CDH10: variants seen among roughly 807,000 people sequenced by gnomAD.
CDH10 encodes cadherin-10.
CDH10 carries 30 observed loss-of-function variants against 73.1 expected under a neutral mutation model. The ratio of observed to expected loss-of-function variants is 0.41; its 90% confidence interval spans 0.31 to 0.56. The LOEUF is 0.56. CDH10 is among the 20% of genes least tolerant of loss of function. CDH10 has a pLI of 0.27. For missense variants in CDH10, 815 were observed against 973.7 expected (o/e 0.84, Z 2.17); for synonymous variants, 345 against 348.2 (o/e 0.99, Z 0.10).
intron 5 of CDH10, among the ~76,000 whole-genome samples, chr5:24,529,924 G>A (rs1001247439): frequency 1.3e-5 from 2 of 151,566 alleles, no homozygotes; most frequent in Non-Finnish European, 2.9e-5. Flanking sequence ...TTGTTAAGTG[G>A]AATTTGAAAA....
intron 5 of CDH10, among the ~76,000 whole-genome samples, chr5:24,520,035 T>A (rs1743257626): frequency 6.6e-6 from 1 of 152,204 alleles, no homozygotes; most frequent in South Asian, 2.1e-4. Flanking sequence ...TCTTAATTGC[T>A]CCTTTTCATA....
At chr5:24,613,365 A>G (rs903774403) in intron 1 of CDH10, 5 of 152,062 alleles carry the variant, frequency 3.3e-5, no homozygotes, top group African/African-American at 1.2e-4. Context: ...ACTCATTTTC[A>G]TGCTTTTACA....
intron 5 of CDH10, 117 bp from the exon 6 acceptor site, chr5:24,511,631 G>C (rs149376312): frequency 1.7e-6 from 1 of 600,702 alleles, no homozygotes; most frequent in Non-Finnish European, 2.9e-6. Context: ...CATGTAAGAC[G>C]CAATATAATA....
intron 8 of CDH10, among the ~76,000 whole-genome samples, chr5:24,501,640 A>G (rs1215020615): frequency 6.6e-6 from 1 of 152,186 alleles, no homozygotes; most frequent in African/African-American, 2.4e-5. Flanking sequence ...AAAGAGAGAA[A>G]TTTTAAATCA....
chr5:24,517,938 A>G (rs4563587), intron 5 of CDH10, among the ~76,000 whole-genome samples: 72,649 of 151,988 alleles, frequency 0.48, 17,487 homozygotes, highest in East Asian at 0.58. Context: ...CCAGATGTAA[A>G]CCACCCTTGA....
intron 2 of CDH10, among the ~76,000 whole-genome samples, chr5:24,582,168 A>T (rs1745825776): frequency 6.6e-6 from 1 of 152,160 alleles, no homozygotes; most frequent in Non-Finnish European, 1.5e-5. Context: ...CATTATTGGT[A>T]ACAGTGAAAA....
At chr5:24,568,120 G>C (rs1047264554) in intron 2 of CDH10, among the ~76,000 whole-genome samples, 2 of 151,984 alleles carry the variant, frequency 1.3e-5, no homozygotes, top group Non-Finnish European at 2.9e-5. Flanking sequence ...GAATTATTTT[G>C]AGTTTTTAAT....
chr5:24,529,591 C>T (rs548077390), intron 5 of CDH10, among the ~76,000 whole-genome samples: 13 of 152,022 alleles, frequency 8.6e-5, no homozygotes, highest in African/African-American at 1.7e-4. Flanking sequence ...CATTCTTTTG[C>T]GTGCATTTAG....
chr5:24,491,910 A>G, intron 10 of CDH10, 83 bp from the exon 11 acceptor site: 1 of 771,868 alleles, frequency 1.3e-6, no homozygotes, highest in Non-Finnish European at 2.0e-6. Context: ...ACATATAAAT[A>G]AAAACATATT....
In CDH10 at chr5:24,614,682, C is replaced by G. The variant is rs535441232; in HGVS notation, c.-123-21069G>C. On this transcript the variant is annotated intron_variant, in intron 1 of 11. Transcript: ENST00000264463. ...CAGACCGAGTAAACAGAACCAGTGACAATTATTAGCGTCCTCATGACTGCA... is the reference window on the plus strand; with the variant it reads ...CAGACCGAGTAAACAGAACCAGTGAGAATTATTAGCGTCCTCATGACTGCA... Among the ~76,000 whole-genome samples the G allele has an allele frequency of 3.3e-5, 5 of 152,238 alleles. No homozygotes were observed. The South Asian group carries it at 1.0e-3, about 32-fold the overall frequency.
At chr5:24,558,218 T>C (rs1187055563) in intron 2 of CDH10, among the ~76,000 whole-genome samples, 3 of 150,092 alleles carry the variant, frequency 2.0e-5, no homozygotes, top group Non-Finnish European at 4.5e-5. Context: ...CAAATTTCTG[T>C]AATGGAGGCT....
intron 5 of CDH10, among the ~76,000 whole-genome samples, chr5:24,518,267 T>G (rs75329410): frequency 6.6e-6 from 1 of 152,248 alleles, no homozygotes; most frequent in South Asian, 2.1e-4. Flanking sequence ...AGAGTATAGT[T>G]GTAAACATTT....
rs2111610911 is a variant in CDH10, at chr5:24,488,050, C to T, written c.1980G>A (p.Glu660=). The change falls in exon 12 of 12, where the codon GAG becomes GAA. Residue 660 remains glutamate (E), a synonymous_variant. Transcript: ENST00000264463. ...IRDNIVSYND[E]GGGEEDTQAF... Reference sequence around the variant, plus strand: ...CCTGGGTGTCCTCCTCTCCACCACCCTCATCGTTATAGCTCACAATGTTGT... The same window carrying T: ...CCTGGGTGTCCTCCTCTCCACCACCTTCATCGTTATAGCTCACAATGTTGT... 6.2e-7 allele frequency: 1 copy of T among 1,613,944 alleles called. No homozygotes were observed. The highest frequency in any genetic ancestry group is 8.5e-7 in the Non-Finnish European group (1 of 1,179,950).
chr5:24,589,135 A>G (rs1485190023), intron 2 of CDH10, among the ~76,000 whole-genome samples: 1 of 152,118 alleles, frequency 6.6e-6, no homozygotes, highest in Non-Finnish European at 1.5e-5. Flanking sequence ...TGGTACCTAG[A>G]AGGTCCTCCA....
At chr5:24,640,861 A>G (rs1012190728) in intron 1 of CDH10, among the ~76,000 whole-genome samples, 5 of 151,990 alleles carry the variant, frequency 3.3e-5, no homozygotes, top group African/African-American at 1.2e-4. Context: ...AAATATAAAG[A>G]AACTGATGAA....
intron 1 of CDH10, among the ~76,000 whole-genome samples, chr5:24,633,215 T>C (rs1203550374): frequency 6.6e-6 from 1 of 151,764 alleles, no homozygotes; most frequent in Non-Finnish European, 1.5e-5. Flanking sequence ...AAAATAATTG[T>C]ATTATTTTCT....
chr5:24,513,046 G>A (rs1446987614), intron 5 of CDH10, among the ~76,000 whole-genome samples: 1 of 119,552 alleles, frequency 8.4e-6, no homozygotes. Flanking sequence ...TTTTCTTGAT[G>A]GAGTCTCAGT....
chr5:24,561,084 A>C (rs1477841152), intron 2 of CDH10, among the ~76,000 whole-genome samples: 1 of 152,152 alleles, frequency 6.6e-6, no homozygotes, highest in Non-Finnish European at 1.5e-5. Context: ...AGTGCTTAGC[A>C]ATAGCTGGCA....
At chr5:24,557,379 T>C (rs187097657) in intron 2 of CDH10, among the ~76,000 whole-genome samples, 5 of 151,858 alleles carry the variant, frequency 3.3e-5, no homozygotes, top group African/African-American at 1.2e-4. Context: ...GAATCATTAT[T>C]ATTTCCCATT....
Sources: gnomAD v4.1 joint callset for allele counts (sites outside exome capture counted in the v4.1 genomes callset) on GRCh38, gnomAD v4.1.1 for gene constraint, MANE v1.5 for transcripts, NCBI Gene and HGNC (gene_info 2026-07-23, HGNC 2026-07-21) for gene names.